The following LRP1 variants were observed in gnomAD, a reference collection of about 807,000 sequenced individuals.
The protein encoded by LRP1 is prolow-density lipoprotein receptor-related protein 1.
LRP1 carries 51 observed loss-of-function variants against 541.5 expected under a neutral mutation model. The ratio of observed to expected loss-of-function variants is 0.09; its 90% CI spans 0.08 to 0.12. LRP1 has a LOEUF of 0.12. LRP1 is among the 10% of genes least tolerant of loss of function. The probability of loss-of-function intolerance (pLI) is 1.00; values close to 1 mark genes in which losing one functional copy is unlikely to be tolerated. For missense variants in LRP1, 3,878 were observed against 6,376.2 expected (o/e 0.61, Z 13.34); for synonymous variants, 2,219 against 2,470.8 (o/e 0.90, Z 3.02).
rs143045870 is a variant in LRP1, at chr12:57,193,194, G to A, written c.7574G>A (p.Arg2525Gln). 1.4e-5 allele frequency: 23 copies of A among 1,613,928 alleles called. No individual in the cohort carries two copies. The highest frequency in any genetic ancestry group is 1.6e-4 in the Middle Eastern group (1 of 6,084). ...LTCRAVNSSC[R>Q]AQDEFECANG... ...TCCCCAGCGGTGAATTCCTCTTGCC[G>A]AGCACAAGATGAGTTTGAGTGTGCC... Residue 2525 changes from arginine (R) to glutamine (Q), a missense_variant, in exon 46 of 89, where the codon CGA (arginine) becomes CAA (glutamine). Arg to Gln is a conservative substitution (Grantham distance 43, BLOSUM62 1). Coordinates refer to ENST00000243077, the MANE Select transcript of LRP1 (RefSeq NM_002332.3).
At chr12:57,146,232 A>G (rs924380586) in intron 6 of LRP1, among the ~76,000 whole-genome samples, 1 of 152,108 alleles carries the variant, frequency 6.6e-6, no homozygotes, top group African/African-American at 2.4e-5. Context: ...AAAAGTCAAC[A>G]TCTGGCAGCA....
rs200648115 is a variant in LRP1, at chr12:57,194,612, G to T, written c.8104G>T (p.Ala2702Ser). Reference sequence around the variant, plus strand: ...CCCCAGATGCCCTCTGAATTACTTCGCCTGCCCTAGTGGGCGCTGCATCCC... The same window carrying T: ...CCCCAGATGCCCTCTGAATTACTTCTCCTGCCCTAGTGGGCGCTGCATCCC... ...KRPRCPLNYF[A>S]CPSGRCIPMS... Residue 2702 changes from alanine to serine, a missense_variant, in exon 50 of 89, where the codon GCC becomes TCC. By Grantham distance (99) the Ala-to-Ser change is moderately conservative (BLOSUM62 1). Coordinates refer to ENST00000243077, the MANE Select transcript of LRP1 (RefSeq NM_002332.3). The T allele has an allele frequency of 3.1e-6, 5 of 1,611,676 alleles. No homozygotes were observed. Among genetic ancestry groups the T allele is most frequent in the South Asian group, 2.2e-5 (2 of 90,976 alleles).
At chr12:57,150,401 C>A (rs2035504936) in intron 6 of LRP1, among the ~76,000 whole-genome samples, 1 of 152,086 alleles carries the variant, frequency 6.6e-6, no homozygotes, top group Non-Finnish European at 1.5e-5. Flanking sequence ...CCATGTTAGC[C>A]AGGATGGTCT....
In LRP1 at chr12:57,176,066, G is replaced by A. The variant is rs144523788; in HGVS notation, c.3951G>A (p.Val1317=). The A allele has an allele frequency of 1.4e-5, 22 of 1,614,104 alleles. No homozygotes were observed. The highest frequency in any genetic ancestry group is 1.8e-5 in the Non-Finnish European group (21 of 1,180,050). Residue 1317 remains valine, a synonymous_variant, in exon 24 of 89, where the codon GTG becomes GTA. Transcript: ENST00000243077. The part of the protein sequence containing the change: ...SQSALYWTDV[V]EDKIYRGKLL... ...GCGCCCTCTACTGGACCGACGTGGT[G>A]GAGGACAAGATCTACCGCGGGAAGC...
rs773701173 is a variant in LRP1 at position 57,145,107 on chromosome 12, G to A, written c.577+7G>A. The A allele has an allele frequency of 1.9e-6, 3 of 1,613,832 alleles. No homozygotes were observed. The highest frequency in any genetic ancestry group is 2.2e-5 in the South Asian group (2 of 91,086). ...TCCTGCAAGGCCAAGAACGGTGGGT[G>A]GGGTTGCCTCTGGCCACAGTGCTAA... On this transcript the variant is annotated splice_region_variant and intron_variant, in intron 5 of 88. Coordinates refer to ENST00000243077, the MANE Select transcript of LRP1 (RefSeq NM_002332.3).
At position 57,203,272 on chromosome 12, in the gene LRP1, G is replaced by A. The variant is rs371829652; in HGVS notation, c.10803G>A (p.Ala3601=). 2.2e-5 allele frequency: 36 copies of A among 1,606,072 alleles called. 1 individual carries two copies. Among genetic ancestry groups the A allele is most frequent in the Middle Eastern group, 1.6e-4 (1 of 6,064 alleles). The part of the protein sequence containing the change: ...RWKCDGDHDC[A]DGSDEKDCTP... ...AATGCGATGGAGACCACGACTGCGCGGACGGCTCGGACGAGGTGGGCAGGG... is the reference window on the plus strand; with the variant it reads ...AATGCGATGGAGACCACGACTGCGCAGACGGCTCGGACGAGGTGGGCAGGG... The change falls in exon 69 of 89, where the codon GCG becomes GCA. Residue 3601 remains alanine (A), a synonymous_variant. Transcript: ENST00000243077.
chr12:57,187,407 A>T lies in LRP1; in HGVS notation c.6982A>T (p.Met2328Leu). 6.2e-7 allele frequency: 1 copy of T among 1,614,110 alleles called. No homozygotes were observed. The highest frequency in any genetic ancestry group is 8.5e-7 in the Non-Finnish European group (1 of 1,180,016). ...CTTCGAGCGTGAGACCGTCATCACT[A>T]TGTCTGGAGATGACCACCCACGGGC... ...GAFERETVITMSGDDHPRAFV... is the reference protein window; with the variant it reads ...GAFERETVITLSGDDHPRAFV... The change falls in exon 42 of 89, where the codon ATG (methionine) becomes TTG (leucine). Residue 2328 changes from methionine to leucine, a missense_variant. Transcript: ENST00000243077.
In LRP1 at chr12:57,178,630, C is replaced by G. The variant is rs372035955; in HGVS notation, c.4606+27C>G. The G allele has an allele frequency of 3.1e-6, 5 of 1,613,148 alleles. No homozygotes were observed. In the South Asian group the frequency reaches 4.4e-5, roughly 14 times the overall value. ...TAAGGGGCTCGGGGCCTCGAGCAGC[C>G]GGAAGGGAGCCAGCAGCCTCTTTAG... On this transcript the variant is annotated intron_variant, in intron 27 of 88. Transcript: ENST00000243077. The surrounding 1 kb of genome is among the most constrained non-coding windows in gnomAD (Gnocchi z 5.8).
At chr12:57,182,708 C>T (rs1194629345) in intron 34 of LRP1, among the ~76,000 whole-genome samples, 8 of 151,812 alleles carry the variant, frequency 5.3e-5, no homozygotes, top group Admixed American at 4.6e-4. Context: ...CCCAGCTACT[C>T]GGAAGGCTGA....
chr12:57,129,431 G>A (rs992234887), intron 1 of LRP1, among the ~76,000 whole-genome samples: 60 of 152,084 alleles, frequency 3.9e-4, no homozygotes, highest in Non-Finnish European at 7.8e-4. Context: ...CTGCAAAAGG[G>A]GGTGGGGGTG....
rs2036075687 is a variant in LRP1 at position 57,177,681 on chromosome 12, G to A, written c.4361+90G>A. 2 of 1,435,938 alleles carry A rather than the reference G, an allele frequency of 1.4e-6. No homozygotes were observed. Among genetic ancestry groups the A allele is most frequent in the Non-Finnish European group, 9.6e-7 (1 of 1,045,992 alleles). 88.9% of individuals were successfully genotyped at this position (1,435,938 alleles called of 1,614,324 possible). A position where few individuals can be genotyped will look rare whatever the true frequency, so the allele number is the denominator to read the frequency against. On this transcript the variant is annotated intron_variant, in intron 26 of 88. Transcript: ENST00000243077. This position sits in a 1 kb window ranked among gnomAD's most constrained non-coding sequence, Gnocchi z 6.8. ...CTGTGGTGATGAGGGTGATGAGAAG[G>A]ACCAAGGGATCTAGAACTAGGAACG...
In LRP1 at chr12:57,179,332, T is replaced by C; in HGVS notation, c.4742T>C (p.Phe1581Ser). 6.2e-7 allele frequency: 1 copy of C among 1,612,644 alleles called. No individual in the cohort carries two copies. Among genetic ancestry groups the C allele is most frequent in the Non-Finnish European group, 8.5e-7 (1 of 1,178,814 alleles). ...GTGACCAGCCCATGCCCCACAGAGT[T>C]TAAGAAGTTCCTGCTGTACGCACGT... ...LHKDNTTCYE[F>S]KKFLLYARQM... The change falls in exon 29 of 89, where the codon TTT (phenylalanine) becomes TCT (serine). Residue 1581 changes from phenylalanine to serine, a missense_variant. Coordinates refer to ENST00000243077, the MANE Select transcript of LRP1 (RefSeq NM_002332.3). This position sits in a 1 kb window ranked among gnomAD's most constrained non-coding sequence, Gnocchi z 6.8.
chr12:57,166,196 T>C lies in LRP1; in HGVS notation c.2784T>C (p.Asn928=), dbSNP rs2035835781. The C allele has an allele frequency of 1.2e-6, 2 of 1,610,648 alleles. No individual in the cohort carries two copies. The highest frequency in any genetic ancestry group is 8.5e-7 in the Non-Finnish European group (1 of 1,178,504). ...GTGGGAACAGTGAAGATGAGTCCAA[T>C]GCCACTTGTTCAGGTGTGGAGCGGG... ...NDCGNSEDES[N]ATCSARTCPP... The change falls in exon 17 of 89, where the codon AAT becomes AAC. Residue 928 remains asparagine (N), a synonymous_variant. Transcript: ENST00000243077.
chr12:57,203,371 C>T lies in LRP1; in HGVS notation c.10819-18C>T, dbSNP rs763871055. 41 of 1,598,118 alleles carry T rather than the reference C, an allele frequency of 2.6e-5. No individual in the cohort carries two copies. The highest frequency in any genetic ancestry group is 2.3e-5 in the Non-Finnish European group (27 of 1,169,292). ...GGAGTGCCGAGAGGTGACCGGCTGC[C>T]TGTGCCCATGCCCACAGAAAGACTG... On this transcript the variant is annotated intron_variant, in intron 69 of 88. Transcript: ENST00000243077.
At chr12:57,160,261 C>T (rs1415162257) in intron 12 of LRP1, among the ~76,000 whole-genome samples, 1 of 152,122 alleles carries the variant, frequency 6.6e-6, no homozygotes, top group Non-Finnish European at 1.5e-5. Context: ...GAATGAGGCC[C>T]ACGTTCTTGT....
Position 57,202,597 on chromosome 12 carries a change from G to C in LRP1, c.10711+60G>C. ...CTCCCAGGCCTGGCCCTTGTCTCGC[G>C]GCCCTCCTGCCACAGGCCGCGCCAG... On this transcript the variant is annotated intron_variant, in intron 68 of 88. Coordinates refer to ENST00000243077, the MANE Select transcript of LRP1 (RefSeq NM_002332.3). 3 of 1,346,722 alleles carry C rather than the reference G, an allele frequency of 2.2e-6. No homozygotes were observed. The South Asian group carries it at 3.8e-5, about 17-fold the overall frequency. The allele number at this position is 1,346,722 out of a possible 1,614,324, so 83.4% of individuals were successfully genotyped here.
In LRP1 at chr12:57,204,695, C is replaced by T. The variant is rs1181890833; in HGVS notation, c.11140C>T (p.Arg3714Cys). The change falls in exon 72 of 89, where the codon CGC becomes TGC. Residue 3714 changes from arginine (R) to cysteine (C), a missense_variant. Physicochemically the swap from Arg to Cys is radical, Grantham distance 180 (BLOSUM62 -3). Coordinates refer to ENST00000243077, the MANE Select transcript of LRP1 (RefSeq NM_002332.3). This position sits in a 1 kb window ranked among gnomAD's most constrained non-coding sequence, Gnocchi z 5.3. Reference protein sequence around the residue: ...KNDRVCLWIGRQCDGTDNCGD... With the variant: ...KNDRVCLWIGCQCDGTDNCGD... Reference sequence around the variant, plus strand: ...TGACCGCGTCTGTCTGTGGATCGGGCGCCAATGCGATGGCACGGACAACTG... The same window carrying T: ...TGACCGCGTCTGTCTGTGGATCGGGTGCCAATGCGATGGCACGGACAACTG... 2 of 1,613,978 alleles carry T rather than the reference C, an allele frequency of 1.2e-6. No individual in the cohort carries two copies. Among genetic ancestry groups the T allele is most frequent in the Non-Finnish European group, 8.5e-7 (1 of 1,180,022 alleles).
chr12:57,148,561 C>T (rs1172936759), intron 6 of LRP1, among the ~76,000 whole-genome samples: 1 of 152,118 alleles, frequency 6.6e-6, no homozygotes, highest in Admixed American at 6.5e-5. Flanking sequence ...AGTCTACCGA[C>T]CCCAGCCCAG....
rs771491897 is a variant in LRP1, at chr12:57,180,395, C to T, written c.5302C>T (p.Arg1768Cys). 3.7e-6 allele frequency: 6 copies of T among 1,614,080 alleles called. No individual in the cohort carries two copies. The highest frequency in any genetic ancestry group is 2.2e-5 in the East Asian group (1 of 44,888). ...CAGCTCCGGGAACCATACCATCAAC[C>T]GCTGCAACCTGGATGGGAGTGGGCT... ...WISSGNHTIN[R>C]CNLDGSGLEV... The change falls in exon 32 of 89, where the codon CGC becomes TGC. Residue 1768 changes from arginine (R) to cysteine (C), a missense_variant. By Grantham distance (180) the Arg-to-Cys change is radical (BLOSUM62 -3). This residue lies in a region of LRP1 where 394 missense variants were observed against 635.9 expected (regional missense o/e 0.62). Transcript: ENST00000243077.
Sources: gnomAD v4.1 joint callset for allele counts (sites outside exome capture counted in the v4.1 genomes callset) on GRCh38, gnomAD v4.1.1 for gene constraint, gnomAD v4.1.1 regional missense constraint, Gnocchi (gnomAD v3.1) non-coding constraint, MANE v1.5 for transcripts, NCBI Gene and HGNC (gene_info 2026-07-23, HGNC 2026-07-21) for gene names.